CNIH3: variants seen among roughly 807,000 people sequenced by gnomAD.
The protein encoded by CNIH3 is cornichon family AMPA receptor auxiliary protein 3.
CNIH3 carries 14 observed loss-of-function variants against 24.1 expected under a neutral mutation model. That is an observed-to-expected ratio of 0.58 (90% CI 0.38 to 0.91). CNIH3 has a LOEUF of 0.91. Among genes scored for constraint, CNIH3 ranks in the 40% least tolerant of loss-of-function variants. CNIH3 has a pLI of 0.00. For missense variants in CNIH3, 178 were observed against 196.8 expected (o/e 0.90, Z 0.57); for synonymous variants, 68 against 73.8 (o/e 0.92, Z 0.40).
exon 2 of CNIH3, chr1:224,521,283 T>G (rs571586017): frequency 1.1e-4 from 16 of 152,288 alleles, no homozygotes; most frequent in African/African-American, 3.6e-4. Flanking sequence ...ATTGGACATA[T>G]TGCCAAGCAA....
intron 4 of CNIH3, among the ~76,000 whole-genome samples, chr1:224,574,138 C>T (rs529595148): frequency 6.6e-6 from 1 of 152,176 alleles, no homozygotes; most frequent in Admixed American, 6.5e-5. Flanking sequence ...GTAGACTAGA[C>T]TATATGCTAC....
At chr1:224,506,969 T>C (rs1677946414) in intron 1 of CNIH3, among the ~76,000 whole-genome samples, 1 of 152,080 alleles carries the variant, frequency 6.6e-6, no homozygotes, top group Non-Finnish European at 1.5e-5. Context: ...GCTCAGGTGA[T>C]CCTCCTACCT....
At chr1:224,563,105 A>G (rs1680440919) in intron 3 of CNIH3, among the ~76,000 whole-genome samples, 1 of 152,202 alleles carries the variant, frequency 6.6e-6, no homozygotes, top group Admixed American at 6.5e-5. Flanking sequence ...ATGAAAAGCC[A>G]TGCCCAAGAA....
chr1:224,563,200 A>G (rs1680444748), intron 3 of CNIH3, among the ~76,000 whole-genome samples: 1 of 150,976 alleles, frequency 6.6e-6, no homozygotes, highest in African/African-American at 2.5e-5. Flanking sequence ...TACAGGCTGC[A>G]GAACCATAAG....
intron 3 of CNIH3, among the ~76,000 whole-genome samples, chr1:224,555,200 C>T (rs564051279): frequency 6.6e-6 from 1 of 152,278 alleles, no homozygotes; most frequent in Non-Finnish European, 1.5e-5. Context: ...GAGCCACTTG[C>T]CCCAGGACAC....
chr1:224,681,951 T>C (rs903134568), intron 2 of CNIH3, among the ~76,000 whole-genome samples: 8 of 152,170 alleles, frequency 5.3e-5, no homozygotes, highest in African/African-American at 1.9e-4. Context: ...TTTTTGCCTC[T>C]TTGAGTAGCT....
downstream of CNIH3, among the ~76,000 whole-genome samples, chr1:224,540,149 T>A (rs1679457111): frequency 6.6e-6 from 1 of 152,228 alleles, no homozygotes; most frequent in African/African-American, 2.4e-5. Context: ...AATCATCTAG[T>A]TCCTGGGGAA....
intron 3 of CNIH3, among the ~76,000 whole-genome samples, chr1:224,689,760 A>G (rs1194398644): frequency 6.6e-6 from 1 of 152,110 alleles, no homozygotes; most frequent in Non-Finnish European, 1.5e-5. Context: ...TTCAAACTGG[A>G]TCTGTTTTTA....
intron 1 of CNIH3, among the ~76,000 whole-genome samples, chr1:224,490,645 C>CA (rs975555606): frequency 1.4e-4 from 21 of 152,292 alleles, no homozygotes; most frequent in African/African-American, 5.1e-4. Context: ...TTACAGACTT[C>CA]AAAAACCAGA....
At chr1:224,590,557 C>A (rs1204372871), downstream of CNIH3, among the ~76,000 whole-genome samples, 1 of 152,176 alleles carries the variant, frequency 6.6e-6, no homozygotes, top group Non-Finnish European at 1.5e-5. Flanking sequence ...GGCCTTCTTG[C>A]TGTATCATCA....
At chr1:224,583,725 G>A (rs1681375001) in intron 5 of CNIH3, among the ~76,000 whole-genome samples, 1 of 152,170 alleles carries the variant, frequency 6.6e-6, no homozygotes, top group African/African-American at 2.4e-5. Flanking sequence ...TATGGAGTCT[G>A]TATGTGGAAG....
At chr1:224,736,072 T>A (rs138325994) in intron 5 of CNIH3, among the ~76,000 whole-genome samples, 370 of 152,324 alleles carry the variant, frequency 2.4e-3, no homozygotes, top group African/African-American at 8.4e-3. Flanking sequence ...ATTCCAGCTA[T>A]TAGTGTCACA....
chr1:224,596,628 T>C (rs946239073), intron 3 of CNIH3, among the ~76,000 whole-genome samples: 1 of 152,216 alleles, frequency 6.6e-6, no homozygotes, highest in Non-Finnish European at 1.5e-5. Context: ...ATCTGGGCAA[T>C]GTAAATTGAA....
intron 1 of CNIH3, among the ~76,000 whole-genome samples, chr1:224,645,245 G>A (rs894197255): frequency 1.3e-5 from 2 of 152,066 alleles, no homozygotes; most frequent in African/African-American, 4.8e-5. Context: ...GCCCTGCTCT[G>A]CCCCCTCTCT....
intron 1 of CNIH3, among the ~76,000 whole-genome samples, chr1:224,510,287 A>G (rs1678090706): frequency 6.6e-6 from 1 of 152,058 alleles, no homozygotes; most frequent in African/African-American, 2.4e-5. Context: ...AAGGAGCTTA[A>G]ACTTCATCCT....
intron 4 of CNIH3, chr1:224,575,162 C>A: frequency 2.9e-6 from 3 of 1,026,234 alleles, no homozygotes; most frequent in South Asian, 1.3e-5. Context: ...CAGCCAAACA[C>A]AATAAAACTA....
At chr1:224,445,483 G>A (rs994901455) in intron 1 of CNIH3, among the ~76,000 whole-genome samples, 11 of 151,070 alleles carry the variant, frequency 7.3e-5, no homozygotes, top group African/African-American at 2.7e-4. Flanking sequence ...GTCTGAGGCA[G>A]GAGAGTTGCT....
rs769942711 is a variant in CNIH3 at position 224,684,103 on chromosome 1, T to C, written c.151-693T>C. ...ATGCCACAGCTGTGTTCAGTGTGGC[T>C]TTGGAAATCGTTAAAGTCACTGAAG... On this transcript the variant is annotated intron_variant, in intron 2 of 5. Transcript: ENST00000272133. The surrounding 1 kb of genome is among the most constrained non-coding windows in gnomAD (Gnocchi z 4.2). Among the ~76,000 whole-genome samples the C allele has an allele frequency of 1.3e-5, 2 of 152,192 alleles. No individual in the cohort carries two copies. The highest frequency in any genetic ancestry group is 2.4e-5 in the African/African-American group (1 of 41,448).
intron 2 of CNIH3, among the ~76,000 whole-genome samples, chr1:224,526,783 GA>G (rs1219069904): frequency 2.6e-5 from 4 of 152,178 alleles, no homozygotes; most frequent in African/African-American, 9.6e-5. Flanking sequence ...GGCTGTACAG[GA>G]GGCATAGCGA....
Sources: gnomAD v4.1 joint callset for allele counts (sites outside exome capture counted in the v4.1 genomes callset) on GRCh38, gnomAD v4.1.1 for gene constraint, Gnocchi (gnomAD v3.1) non-coding constraint, MANE v1.5 for transcripts, NCBI Gene and HGNC (gene_info 2026-07-23, HGNC 2026-07-21) for gene names.